MRTFB: variants seen among roughly 807,000 people sequenced by gnomAD.
MRTFB encodes myocardin-related transcription factor B.
A neutral mutation model predicts 104.2 loss-of-function variants in MRTFB; 29 were observed. The observed-to-expected ratio is 0.28, with a 90% CI of 0.21 to 0.38. The LOEUF (loss-of-function observed/expected upper bound fraction) is 0.38. Ranked by LOEUF, MRTFB falls within the 10% of genes least tolerant of loss-of-function variation. MRTFB has a pLI of 1.00. For missense variants in MRTFB, 1,270 were observed against 1,341.6 expected (o/e 0.95, Z 0.83); for synonymous variants, 535 against 519.5 (o/e 1.03, Z -0.41).
At chr16:14,057,428 C>G in the MRTFB span, among the ~76,000 whole-genome samples, 722 of 152,284 alleles carry the variant, frequency 4.7e-3, 2 homozygotes, top group Non-Finnish European at 8.3e-3. Context: ...TCTTCCAACA[C>G]ACATGTTGTT....
At chr16:14,185,859 C>T (rs2039934409) in intron 3 of MRTFB, among the ~76,000 whole-genome samples, 1 of 152,174 alleles carries the variant, frequency 6.6e-6, no homozygotes, top group African/African-American at 2.4e-5. Context: ...GGCTTATCTC[C>T]ACATTTGCCT....
chr16:14,017,890 T>A, the MRTFB span, among the ~76,000 whole-genome samples: 5 of 150,406 alleles, frequency 3.3e-5, no homozygotes, highest in Admixed American at 6.7e-5. Flanking sequence ...GCTAATTTTT[T>A]AAAAACTTTT....
chr16:14,223,098 G>A (rs2041813343), intron 8 of MRTFB, among the ~76,000 whole-genome samples: 1 of 152,096 alleles, frequency 6.6e-6, no homozygotes, highest in South Asian at 2.1e-4. Flanking sequence ...CTTGAGCTCA[G>A]AAGTTCAAGA....
At chr16:14,082,501 G>T (rs1340599153) in intron 2 of MRTFB, among the ~76,000 whole-genome samples, 2 of 152,112 alleles carry the variant, frequency 1.3e-5, no homozygotes, top group African/African-American at 4.8e-5. Context: ...TTTTATTCAA[G>T]ATTGTGTCTG....
At chr16:14,166,220 T>TTTC (rs1555493221) in intron 3 of MRTFB, among the ~76,000 whole-genome samples, 1 of 148,640 alleles carries the variant, frequency 6.7e-6, no homozygotes, top group East Asian at 1.9e-4. Context: ...TTCTTTTCTT[T>TTTC]TTTTTTTTTT....
chr16:14,203,997 A>G (rs960843630), intron 3 of MRTFB, among the ~76,000 whole-genome samples: 2 of 152,014 alleles, frequency 1.3e-5, no homozygotes, highest in Admixed American at 6.6e-5. Context: ...TTCTTGCTCT[A>G]TTGCCCAGGC....
At chr16:14,228,891 A>G (rs1409077693) in intron 8 of MRTFB, among the ~76,000 whole-genome samples, 1 of 152,158 alleles carries the variant, frequency 6.6e-6, no homozygotes, top group Non-Finnish European at 1.5e-5. Context: ...GCAGAAAAGA[A>G]AATGATGATT....
rs2043850830 is a variant in MRTFB, at chr16:14,263,688, T to C, written c.*2244T>C. On this transcript the variant is annotated 3_prime_UTR_variant, in exon 17 of 17. Transcript: ENST00000571589. ...AAGGTTGCTCTCCAAAAATACACAG[T>C]GCAGTGCAAGAAAATGCTATCTCAT... 1 of 152,234 alleles carries C rather than the reference T, an allele frequency of 6.6e-6. No individual in the cohort carries two copies. The highest frequency in any genetic ancestry group is 1.5e-5 in the Non-Finnish European group (1 of 68,048). 9.4% of individuals were successfully genotyped at this position (152,234 alleles called of 1,614,324 possible).
chr16:14,017,058 T>TC, the MRTFB span, among the ~76,000 whole-genome samples: 51 of 63,376 alleles, frequency 8.0e-4, no homozygotes, highest in East Asian at 6.1e-3. Context: ...GTCTTCTTCT[T>TC]TTTTTTTTTT....
chr16:14,112,962 A>G (rs2036354186), intron 2 of MRTFB, among the ~76,000 whole-genome samples: 2 of 152,028 alleles, frequency 1.3e-5, no homozygotes, highest in African/African-American at 4.8e-5. Flanking sequence ...GACAGTATAT[A>G]TTTTACTTAT....
the MRTFB span, among the ~76,000 whole-genome samples, chr16:13,996,276 A>G: frequency 3.5e-4 from 51 of 146,840 alleles, no homozygotes; most frequent in Non-Finnish European, 3.0e-5. Context: ...TGTCTCAACA[A>G]CAACAACAAC....
the MRTFB span, among the ~76,000 whole-genome samples, chr16:14,052,842 C>T: frequency 6.6e-6 from 1 of 152,046 alleles, no homozygotes; most frequent in Non-Finnish European, 1.5e-5. Flanking sequence ...TTCTATCTAA[C>T]TTTATGTTTG....
intron 2 of MRTFB, among the ~76,000 whole-genome samples, chr16:14,131,972 G>A (rs926252593): frequency 1.2e-4 from 18 of 152,052 alleles, no homozygotes; most frequent in Non-Finnish European, 8.8e-5. Flanking sequence ...ACACAAAAAC[G>A]TGTGAACTCA....
rs1026150263 is a variant in MRTFB at position 14,177,034 on chromosome 16, A to C, written c.155-33209A>C. On this transcript the variant is annotated intron_variant, in intron 3 of 16. Transcript: ENST00000571589. This position sits in a 1 kb window ranked among gnomAD's most constrained non-coding sequence, Gnocchi z 4.7. The stretch of plus-strand genomic sequence containing the variant: ...AAGTACAGTTTCCGTGGGCAGAGAT[A>C]GGGAATAGGGAAATCCAGGAAGAAA... Among the ~76,000 whole-genome samples the C allele has an allele frequency of 1.3e-5, 2 of 152,248 alleles. No individual in the cohort carries two copies. The highest frequency in any genetic ancestry group is 4.8e-5 in the African/African-American group (2 of 41,470).
chr16:14,044,430 G>A, the MRTFB span, among the ~76,000 whole-genome samples: 3 of 152,256 alleles, frequency 2.0e-5, no homozygotes, highest in South Asian at 2.1e-4. Flanking sequence ...CATAATCCTG[G>A]GAGGTGGCCC....
intron 2 of MRTFB, among the ~76,000 whole-genome samples, chr16:14,108,699 A>G (rs2036122900): frequency 6.6e-6 from 1 of 152,220 alleles, no homozygotes; most frequent in Admixed American, 6.5e-5. Flanking sequence ...ATACTCAGTT[A>G]TTTCTCAGAA....
At chr16:14,088,924 A>G (rs1160935497) in intron 2 of MRTFB, among the ~76,000 whole-genome samples, 3 of 152,172 alleles carry the variant, frequency 2.0e-5, no homozygotes, top group African/African-American at 7.2e-5. Flanking sequence ...CCTGCCAGCA[A>G]ATTGCAAATT....
chr16:14,099,681 T>C (rs1018154285), intron 2 of MRTFB, among the ~76,000 whole-genome samples: 6 of 151,304 alleles, frequency 4.0e-5, no homozygotes, highest in Admixed American at 3.9e-4. Flanking sequence ...TTTTTTTTTT[T>C]TTTTGAGACA....
At chr16:14,236,829 C>T (rs1413975230) in intron 9 of MRTFB, among the ~76,000 whole-genome samples, 2 of 152,106 alleles carry the variant, frequency 1.3e-5, no homozygotes, top group South Asian at 2.1e-4. Flanking sequence ...AACAGTAGGG[C>T]GCAAAGGTAG....
Sources: gnomAD v4.1 joint callset for allele counts (sites outside exome capture counted in the v4.1 genomes callset) on GRCh38, gnomAD v4.1.1 for gene constraint, Gnocchi (gnomAD v3.1) non-coding constraint, MANE v1.5 for transcripts, NCBI Gene and HGNC (gene_info 2026-07-23, HGNC 2026-07-21) for gene names.